SLIT3: variants seen among roughly 807,000 people sequenced by gnomAD.
SLIT3 encodes the protein slit homolog 3 protein.
SLIT3 carries 68 observed loss-of-function variants against 184.0 expected under a neutral mutation model. That is an observed-to-expected ratio of 0.37 (90% CI 0.30 to 0.45). The LOEUF (loss-of-function observed/expected upper bound fraction) is 0.45, where lower values mean the gene tolerates loss of function less well. Among genes scored for constraint, SLIT3 ranks in the 20% least tolerant of loss-of-function variants. The pLI, the probability that SLIT3 is intolerant of heterozygous loss-of-function variation, is 1.00. For missense variants in SLIT3, 1,707 were observed against 2,026.0 expected, an observed-to-expected ratio of 0.84 and a Z score of 3.02; for synonymous variants, 831 against 828.6, an observed-to-expected ratio of 1.00 and a Z score of -0.05.
At chr5:169,269,294 A>G (rs544411827) in intron 1 of SLIT3, among the ~76,000 whole-genome samples, 10 of 152,268 alleles carry the variant, frequency 6.6e-5, no homozygotes, top group African/African-American at 1.7e-4. Flanking sequence ...ACTCTTGTTG[A>G]CTCCACGCAA....
At chr5:168,798,560 T>G (rs1756659406) in intron 9 of SLIT3, among the ~76,000 whole-genome samples, 2 of 152,094 alleles carry the variant, frequency 1.3e-5, no homozygotes, top group South Asian at 4.2e-4. Context: ...GTTACTCAGC[T>G]TCTCAGGCTG....
intron 4 of SLIT3, among the ~76,000 whole-genome samples, chr5:168,906,567 C>A (rs1322535327): frequency 1.3e-5 from 2 of 152,130 alleles, no homozygotes; most frequent in Non-Finnish European, 2.9e-5. Flanking sequence ...CTGCTGAGAT[C>A]CCAAACCGTC....
At chr5:168,940,151 C>T (rs1019440041) in intron 4 of SLIT3, among the ~76,000 whole-genome samples, 3 of 152,210 alleles carry the variant, frequency 2.0e-5, no homozygotes, top group Middle Eastern at 3.4e-3. Context: ...GGGTAATAGC[C>T]CTTGGTAAGT....
chr5:169,171,206 T>C (rs1437763133), intron 4 of SLIT3, among the ~76,000 whole-genome samples: 2 of 152,180 alleles, frequency 1.3e-5, no homozygotes, highest in African/African-American at 4.8e-5. Flanking sequence ...TAGCTAGTGT[T>C]TACTGAACAC....
At chr5:169,237,169 G>T (rs1765230664) in intron 3 of SLIT3, among the ~76,000 whole-genome samples, 1 of 152,110 alleles carries the variant, frequency 6.6e-6, no homozygotes, top group Non-Finnish European at 1.5e-5. Flanking sequence ...GCTCCCTTAA[G>T]TTCAGTGACG....
intron 3 of SLIT3, among the ~76,000 whole-genome samples, chr5:169,201,481 C>G (rs1335523847): frequency 6.6e-6 from 1 of 152,116 alleles, no homozygotes; most frequent in East Asian, 1.9e-4. Context: ...CTCAAGGGCT[C>G]AATAAGTGGT....
At chr5:169,015,399 C>A (rs764148411) in intron 4 of SLIT3, among the ~76,000 whole-genome samples, 1 of 152,168 alleles carries the variant, frequency 6.6e-6, no homozygotes, top group Admixed American at 6.5e-5. Flanking sequence ...GTTCCAGGAG[C>A]CACTCAGCAA....
chr5:168,880,417 G>A (rs1759908864), intron 5 of SLIT3, among the ~76,000 whole-genome samples: 1 of 152,212 alleles, frequency 6.6e-6, no homozygotes, highest in Non-Finnish European at 1.5e-5. Flanking sequence ...CCCATGAGAT[G>A]TCTCTGCTGG....
In SLIT3 at chr5:168,753,064, T is replaced by C; in HGVS notation, c.1864A>G (p.Asn622Asp). Residue 622 changes from asparagine to aspartate, a missense_variant, in exon 18 of 36, where the codon AAT (asparagine) becomes GAT (aspartate). Physicochemically the swap from Asn to Asp is conservative, Grantham distance 23. This residue lies in a region of SLIT3 where 1,307 missense variants were observed against 1,511.6 expected (regional missense o/e 0.86). Coordinates refer to ENST00000519560, the MANE Select transcript of SLIT3 (RefSeq NM_003062.4). ...LRSNLIGCVS[N>D]DTFAGLSSVR... ...GAACTCAGGCCGGCAAAGGTGTCAT[T>C]ACTCACACAGCCGATCAAGTTACTC... The C allele has an allele frequency of 6.2e-7, 1 of 1,614,088 alleles. No homozygotes were observed. Among genetic ancestry groups the C allele is most frequent in the Non-Finnish European group, 8.5e-7 (1 of 1,180,010 alleles).
intron 4 of SLIT3, among the ~76,000 whole-genome samples, chr5:168,888,506 C>G (rs1435387378): frequency 6.6e-6 from 1 of 152,222 alleles, no homozygotes; most frequent in Admixed American, 6.5e-5. Flanking sequence ...GGGGATAGTT[C>G]TGAATCTACA....
Position 168,710,930 on chromosome 5 carries a change from A to G in SLIT3, c.2684T>C (p.Leu895Pro). Residue 895 changes from leucine (L) to proline (P), a missense_variant, in exon 25 of 36, where the codon CTG becomes CCG. Coordinates refer to ENST00000519560, the MANE Select transcript of SLIT3 (RefSeq NM_003062.4). ...GAAGCGGTGGGTTGGGGTGGTGAGC[A>G]GGAGCCTGTCAGCCATGGGCTCAGG... ...SSPEPMADRL[L>P]LTTPTHRFQC... The G allele has an allele frequency of 6.4e-7, 1 of 1,562,876 alleles. No homozygotes were observed. The highest frequency in any genetic ancestry group is 8.7e-7 in the Non-Finnish European group (1 of 1,153,084).
intron 4 of SLIT3, among the ~76,000 whole-genome samples, chr5:169,146,179 C>T (rs1481433363): frequency 1.3e-5 from 2 of 152,214 alleles, no homozygotes; most frequent in East Asian, 1.9e-4. Context: ...GAAACTGAGG[C>T]ACGGATAGGT....
At chr5:168,933,083 G>C (rs76795150) in intron 4 of SLIT3, among the ~76,000 whole-genome samples, 4,911 of 152,284 alleles carry the variant, frequency 0.032, 126 homozygotes, top group African/African-American at 0.06. Context: ...TGGGATTGAA[G>C]AGAACACAGC....
Position 169,257,533 on chromosome 5 carries a change from C to CTTTTT in SLIT3, c.198-6079_198-6075dup, listed in dbSNP as rs1157258489. 4.0e-4 allele frequency among the ~76,000 whole-genome samples: 32 copies of CTTTTT among 80,960 alleles called. 5 individuals are homozygous for CTTTTT. The highest frequency in any genetic ancestry group is 5.2e-4 in the Admixed American group (3 of 5,740). The allele number at this position is 80,960 out of a possible 152,430, so 53.1% of individuals were successfully genotyped here. A position where few individuals can be genotyped will look rare whatever the true frequency, so the allele number is the denominator to read the frequency against. ...TTGATACAATAGCTTTCTATGCCTC[C>CTTTTT]TTTTTTTTTTTTTTTTTTTTTTTTT... On this transcript the variant is annotated intron_variant, in intron 1 of 35. Coordinates refer to ENST00000519560, the MANE Select transcript of SLIT3 (RefSeq NM_003062.4).
intron 4 of SLIT3, among the ~76,000 whole-genome samples, chr5:169,186,265 A>G (rs1045349274): frequency 6.6e-6 from 1 of 152,148 alleles, no homozygotes; most frequent in African/African-American, 2.4e-5. Flanking sequence ...CCCCATAAGA[A>G]GAGGAGGAGA....
chr5:168,710,714 G>A (rs564685240), intron 25 of SLIT3, among the ~76,000 whole-genome samples, 181 bp downstream of exon 25: 1 of 152,342 alleles, frequency 6.6e-6, no homozygotes, highest in South Asian at 2.1e-4. Flanking sequence ...AATGACACTT[G>A]GCCCATTAGA....
chr5:169,247,277 G>A (rs192094074), intron 2 of SLIT3, among the ~76,000 whole-genome samples: 5 of 151,992 alleles, frequency 3.3e-5, no homozygotes, highest in Admixed American at 1.3e-4. Flanking sequence ...CCATATGCAA[G>A]GAGGGCCTTG....
intron 4 of SLIT3, among the ~76,000 whole-genome samples, chr5:169,135,111 T>C (rs1171330178): frequency 1.3e-5 from 2 of 152,152 alleles, no homozygotes; most frequent in Non-Finnish European, 2.9e-5. Context: ...GTGTTTTGTT[T>C]GTTTGTTTTT....
At chr5:168,768,062 G>A (rs955456052) in intron 14 of SLIT3, 6 of 382,068 alleles carry the variant, frequency 1.6e-5, no homozygotes, top group Admixed American at 1.2e-4. Context: ...GACTGGGAGA[G>A]GTGGGTCTGG....
Sources: gnomAD v4.1 joint callset for allele counts (sites outside exome capture counted in the v4.1 genomes callset) on GRCh38, gnomAD v4.1.1 for gene constraint, gnomAD v4.1.1 regional missense constraint, MANE v1.5 for transcripts, NCBI Gene and HGNC (gene_info 2026-07-23, HGNC 2026-07-21) for gene names.